VRK2: variants seen among roughly 807,000 people sequenced by gnomAD.
VRK2 encodes the protein serine/threonine-protein kinase VRK2.
A neutral mutation model predicts 57.6 loss-of-function variants in VRK2; 60 were observed. That is an observed-to-expected ratio of 1.04 (90% CI 0.85 to 1.29). VRK2 has a LOEUF of 1.29. VRK2 is among the 50% of genes most tolerant of loss of function. The pLI is 0.00. For synonymous variants in VRK2, 231 were observed against 199.2 expected, an observed-to-expected ratio of 1.16 and a Z score of -1.35; for missense variants, 705 against 588.1, an observed-to-expected ratio of 1.20 and a Z score of -2.06.
intron 1 of VRK2, among the ~76,000 whole-genome samples, chr2:58,012,083 AC>A (rs1199341073): frequency 1.3e-5 from 2 of 152,224 alleles, no homozygotes; most frequent in South Asian, 2.1e-4. Context: ...GAAAAGGCAA[AC>A]AAAAGAGTAG....
At chr2:58,148,797 A>AAAAGTCAGCTAACTGTGTGTGT (rs1283593571) in intron 12 of VRK2, among the ~76,000 whole-genome samples, 2 of 151,792 alleles carry the variant, frequency 1.3e-5, no homozygotes, top group African/African-American at 4.8e-5. Flanking sequence ...AGCCCTTTTC[A>AAAAGTCAGCTAACTGTGTGTGT]AAAGTCAGCT....
At chr2:57,936,392 G>A (rs1442927150) in intron 1 of VRK2, among the ~76,000 whole-genome samples, 5 of 152,032 alleles carry the variant, frequency 3.3e-5, no homozygotes, top group Admixed American at 1.3e-4. Context: ...ATGTATTCAC[G>A]TTTCATTTGC....
chr2:58,115,209 G>A (rs554642357), intron 7 of VRK2, among the ~76,000 whole-genome samples: 8 of 152,192 alleles, frequency 5.3e-5, no homozygotes, highest in African/African-American at 1.2e-4. Flanking sequence ...GGACAGGAAA[G>A]AAGGAAATAT....
chr2:58,155,613 C>A (rs549816521), intron 12 of VRK2, among the ~76,000 whole-genome samples: 2 of 151,960 alleles, frequency 1.3e-5, no homozygotes, highest in Non-Finnish European at 2.9e-5. Flanking sequence ...AGTGTGAGGA[C>A]GGTCAACAGG....
intron 1 of VRK2, among the ~76,000 whole-genome samples, chr2:57,944,089 A>C (rs1671180846): frequency 6.6e-6 from 1 of 152,178 alleles, no homozygotes; most frequent in Non-Finnish European, 1.5e-5. Context: ...CAACAAAAAA[A>C]AACCTTTATG....
chr2:58,159,199 C>G (rs1684623076), intron 12 of VRK2, 150 bp from the exon 13 acceptor site: 1 of 580,574 alleles, frequency 1.7e-6, no homozygotes, highest in East Asian at 2.9e-5. Context: ...TCTTTAAGAT[C>G]TTTACCTAAA....
At chr2:58,074,849 C>G (rs999604768) in intron 2 of VRK2, among the ~76,000 whole-genome samples, 1 of 152,024 alleles carries the variant, frequency 6.6e-6, no homozygotes, top group East Asian at 1.9e-4. Flanking sequence ...AATATGAGAC[C>G]TTTTATAATC....
intron 2 of VRK2, among the ~76,000 whole-genome samples, chr2:58,074,950 G>T (rs1669878631): frequency 6.6e-6 from 1 of 152,042 alleles, no homozygotes; most frequent in Non-Finnish European, 1.5e-5. Flanking sequence ...TTGTTACATG[G>T]GTAAATTGTG....
At chr2:58,007,463 C>T (rs1458614642) in intron 1 of VRK2, among the ~76,000 whole-genome samples, 2 of 151,830 alleles carry the variant, frequency 1.3e-5, no homozygotes, top group Non-Finnish European at 2.9e-5. Flanking sequence ...CTCCTCCCCA[C>T]CCTACATAAC....
intron 2 of VRK2, among the ~76,000 whole-genome samples, chr2:58,054,559 T>A (rs563724485): frequency 6.6e-6 from 1 of 152,114 alleles, no homozygotes; most frequent in Non-Finnish European, 1.5e-5. Context: ...TTTTTTTCTT[T>A]AGATAAGGAA....
chr2:58,098,403 C>G (rs1673471774), intron 7 of VRK2, among the ~76,000 whole-genome samples: 1 of 152,080 alleles, frequency 6.6e-6, no homozygotes, highest in South Asian at 2.1e-4. Context: ...CATTCACTCA[C>G]CACTCACTCA....
rs1420109640 is a variant in VRK2, at chr2:58,093,036, G to A, written c.543+3313G>A. Reference sequence around the variant, plus strand: ...GCATAGTATTCCATGGTATATATGTGCCACATTTTCTTAATCCAGTCTATC... The same window carrying A: ...GCATAGTATTCCATGGTATATATGTACCACATTTTCTTAATCCAGTCTATC... On this transcript the variant is annotated intron_variant, in intron 7 of 12. Coordinates refer to ENST00000340157, the MANE Select transcript of VRK2 (RefSeq NM_006296.7). Among the ~76,000 whole-genome samples the A allele has an allele frequency of 2.6e-5, 4 of 152,116 alleles. No homozygotes were observed. In the East Asian group the frequency reaches 5.8e-4, roughly 22 times the overall value.
chr2:58,014,351 C>A (rs1236117708), intron 1 of VRK2, among the ~76,000 whole-genome samples: 1 of 152,176 alleles, frequency 6.6e-6, no homozygotes, highest in African/African-American at 2.4e-5. Flanking sequence ...ATTTAAATAT[C>A]TGGCTAATTT....
At chr2:57,935,969 A>T (rs547373582) in intron 1 of VRK2, among the ~76,000 whole-genome samples, 1 of 152,302 alleles carries the variant, frequency 6.6e-6, no homozygotes, top group African/African-American at 2.4e-5. Flanking sequence ...TCCTGCAAAG[A>T]TACTTTTTTA....
Position 58,008,120 on chromosome 2 carries a change from C to G in VRK2, c.-438-17545C>G, listed in dbSNP as rs185389042. Among the ~76,000 whole-genome samples, 51 of 152,138 alleles carry G rather than the reference C, an allele frequency of 3.4e-4. No individual in the cohort carries two copies. The South Asian group carries it at 9.7e-3, about 29-fold the overall frequency. On this transcript the variant is annotated intron_variant, in intron 1 of 15. Transcript: ENST00000417641. ...CAAATTTCAATGAACTGAAATCATA[C>G]AGAGCATGTTTTCTAATCAGAGTGA...
chr2:58,093,408 T>C (rs1672654862), intron 7 of VRK2, among the ~76,000 whole-genome samples: 1 of 152,172 alleles, frequency 6.6e-6, no homozygotes, highest in African/African-American at 2.4e-5. Flanking sequence ...ATTTCTCTGA[T>C]GGCCAGTGAT....
rs182053522 is a variant in VRK2 at position 57,934,017 on chromosome 2, T to G, written c.-439+26178T>G. Among the ~76,000 whole-genome samples the G allele has an allele frequency of 4.6e-3, 701 of 152,316 alleles. 1 individual carries two copies. The highest frequency in any genetic ancestry group is 8.1e-3 in the Non-Finnish European group (548 of 68,016). On this transcript the variant is annotated intron_variant, in intron 1 of 15. Coordinates refer to the VRK2 transcript ENST00000417641. The stretch of plus-strand genomic sequence containing the variant: ...CTTGCCTTTTATCATGTACTAAAAC[T>G]CCATACTTTTGCTACCCCAAACTTT...
chr2:57,983,191 C>T (rs779903292), intron 1 of VRK2, among the ~76,000 whole-genome samples: 3 of 152,268 alleles, frequency 2.0e-5, no homozygotes, highest in Non-Finnish European at 2.9e-5. Context: ...TGGTTTCTCT[C>T]GTGGGTGAAG....
chr2:58,042,661 C>A (rs1248822335), upstream of VRK2, among the ~76,000 whole-genome samples: 1 of 152,134 alleles, frequency 6.6e-6, no homozygotes. Flanking sequence ...CATTTTATAG[C>A]ACCCAGTTCT....
Sources: gnomAD v4.1 joint callset for allele counts (sites outside exome capture counted in the v4.1 genomes callset) on GRCh38, gnomAD v4.1.1 for gene constraint, MANE v1.5 for transcripts, NCBI Gene and HGNC (gene_info 2026-07-23, HGNC 2026-07-21) for gene names.